The following POLR3C variants were observed in gnomAD, a reference collection of about 807,000 sequenced individuals.
The protein encoded by POLR3C is DNA-directed RNA polymerase III subunit RPC3.
POLR3C carries 44 observed loss-of-function variants against 65.9 expected under a neutral mutation model. That is an observed-to-expected ratio of 0.67 (90% CI 0.52 to 0.86). POLR3C has a LOEUF of 0.86. Ranked by LOEUF, POLR3C falls within the 40% of genes least tolerant of loss-of-function variation. The pLI, the probability that POLR3C is intolerant of heterozygous loss-of-function variation, is 0.00. For missense variants in POLR3C, 576 were observed against 653.2 expected, an observed-to-expected ratio of 0.88 and a Z score of 1.29; for synonymous variants, 263 against 231.6, an observed-to-expected ratio of 1.14 and a Z score of -1.23.
intron 5 of POLR3C, 118 bp downstream of exon 5, chr1:145,828,955 C>T (rs781838501): frequency 1.5e-4 from 95 of 653,122 alleles, no homozygotes; most frequent in Non-Finnish European, 2.5e-4. Context: ...GGATTATGAA[C>T]CTCATTAAAT....
rs1421687751 is a variant in POLR3C, at chr1:145,844,034, G to GA, written c.*1619dup. Among the ~76,000 whole-genome samples, 1 of 152,168 alleles carries GA rather than the reference G, an allele frequency of 6.6e-6. No individual in the cohort carries two copies. Among genetic ancestry groups the GA allele is most frequent in the Non-Finnish European group, 1.5e-5 (1 of 68,038 alleles). On this transcript the variant is annotated 3_prime_UTR_variant, in exon 15 of 15. Transcript: ENST00000334163. ...AAGAATGAATGCTAGTGAGGATGTG[G>GA]AAAAAGGAGAGCCCTGCCTGGTACA...
chr1:145,831,628 A>G (rs1481844454), intron 5 of POLR3C, among the ~76,000 whole-genome samples: 13 of 152,172 alleles, frequency 8.5e-5, no homozygotes, highest in Non-Finnish European at 1.2e-4. Flanking sequence ...TGTAGAGTAA[A>G]AAGAAAGGAA....
At chr1:145,840,463 C>G in intron 13 of POLR3C, 1 of 350,012 alleles carries the variant, frequency 2.9e-6, no homozygotes, top group Non-Finnish European at 5.4e-6. Flanking sequence ...TCACTTAAAC[C>G]CAGTGAGTGG....
In POLR3C at chr1:145,827,004, A is replaced by G. The variant is rs587603468; in HGVS notation, c.588A>G (p.Ile196Met). The G allele has an allele frequency of 2.6e-5, 41 of 1,605,318 alleles. No homozygotes were observed. The South Asian group carries it at 4.2e-4, about 17-fold the overall frequency. Residue 196 changes from isoleucine (I) to methionine (M), a missense_variant and splice_region_variant, in exon 4 of 15, where the codon ATA becomes ATG. Ile to Met is a conservative substitution (Grantham distance 10). Transcript: ENST00000334163. Reference protein sequence around the residue: ...DMYLVPKLSLIGKGKRRRSSD... With the variant: ...DMYLVPKLSLMGKGKRRRSSD... ...ACCTGGTTCCTAAACTCAGCTTGATAGGTAAGGAATTTTAACCCCTGGAAC... is the reference window on the plus strand; with the variant it reads ...ACCTGGTTCCTAAACTCAGCTTGATGGGTAAGGAATTTTAACCCCTGGAAC...
rs782727041 is a variant in POLR3C, at chr1:145,826,549, G to A, written c.243G>A (p.Arg81=). The A allele has an allele frequency of 3.7e-6, 6 of 1,613,816 alleles. No homozygotes were observed. Among genetic ancestry groups the A allele is most frequent in the Non-Finnish European group, 3.4e-6 (4 of 1,179,974 alleles). ...GVVEYEAQCS[R]VLRMLRYPRY... ...TGGAGTATGAAGCCCAGTGCAGCCG[G>A]GTATTGCGAATGCTTAGATATCCCC... The change falls in exon 3 of 15, where the codon CGG becomes CGA. Residue 81 remains arginine (R), a synonymous_variant. Coordinates refer to ENST00000334163, the MANE Select transcript of POLR3C (RefSeq NM_006468.8).
chr1:145,828,693 T>G, intron 4 of POLR3C, 56 bp from the exon 5 acceptor site: 1 of 1,195,060 alleles, frequency 8.4e-7, no homozygotes, highest in East Asian at 2.3e-5. Context: ...TCATGTTTGG[T>G]CATTTCCTGT....
Position 145,834,139 on chromosome 1 carries a change from G to A in POLR3C, c.876+557G>A, listed in dbSNP as rs587745386. On this transcript the variant is annotated intron_variant, in intron 7 of 14. Coordinates refer to ENST00000334163, the MANE Select transcript of POLR3C (RefSeq NM_006468.8). ...CTGTAAACCTGTACAGCATGTTACTGTACTGAATACTGTAGGCAGTTGTAA... is the reference window on the plus strand; with the variant it reads ...CTGTAAACCTGTACAGCATGTTACTATACTGAATACTGTAGGCAGTTGTAA... Among the ~76,000 whole-genome samples, 39 of 152,284 alleles carry A rather than the reference G, an allele frequency of 2.6e-4. No individual in the cohort carries two copies. The South Asian group carries it at 7.9e-3, about 31-fold the overall frequency.
chr1:145,835,144 CA>C (rs56819606), intron 7 of POLR3C, among the ~76,000 whole-genome samples: 340 of 47,318 alleles, frequency 7.2e-3, no homozygotes, highest in African/African-American at 0.017. Flanking sequence ...AACCCTATTT[CA>C]AAAAAAAAAA....
At chr1:145,829,688 G>A (rs1038850402) in intron 5 of POLR3C, among the ~76,000 whole-genome samples, 2 of 152,102 alleles carry the variant, frequency 1.3e-5, no homozygotes, top group African/African-American at 4.8e-5. Flanking sequence ...CCTCTGCCCC[G>A]TCTCCATCTT....
intron 8 of POLR3C, 51 bp from the exon 9 acceptor site, chr1:145,836,764 C>A: frequency 8.3e-7 from 1 of 1,211,474 alleles, no homozygotes; most frequent in Non-Finnish European, 1.2e-6. Flanking sequence ...CCATTGGAAA[C>A]AGAATCACTG....
chr1:145,836,453 C>G (rs782532617), intron 7 of POLR3C, 41 bp from the exon 8 acceptor site: 3 of 1,142,638 alleles, frequency 2.6e-6, no homozygotes, highest in South Asian at 2.5e-5. Context: ...GTCAGGAGTT[C>G]TAAGTTCCCA....
intron 4 of POLR3C, among the ~76,000 whole-genome samples, chr1:145,827,576 C>G (rs587660854): frequency 1.9e-3 from 292 of 151,702 alleles, no homozygotes; most frequent in Non-Finnish European, 2.9e-3. Context: ...TGGCTAATAC[C>G]GGGAAACCCC....
In POLR3C at chr1:145,842,901, C is replaced by T. The variant is rs1652401937; in HGVS notation, c.*481C>T. On this transcript the variant is annotated 3_prime_UTR_variant, in exon 15 of 15. Transcript: ENST00000334163. ...AATCACAGCTCCCTACAGCCTTGAC[C>T]TCCTGAGCTCAAGCAGTCCTTCCAC... Among the ~76,000 whole-genome samples, 1 of 152,110 alleles carries T rather than the reference C, an allele frequency of 6.6e-6. No individual in the cohort carries two copies. Among genetic ancestry groups the T allele is most frequent in the African/African-American group, 2.4e-5 (1 of 41,400 alleles).
rs782111858 is a variant in POLR3C, at chr1:145,833,369, TAC to T, written c.783+6_783+7del. The T allele has an allele frequency of 6.3e-7, 1 of 1,590,562 alleles. No homozygotes were observed. Among genetic ancestry groups the T allele is most frequent in the African/African-American group, 1.3e-5 (1 of 74,614 alleles). On this transcript the variant is annotated splice_donor_region_variant and intron_variant, in intron 6 of 14. Transcript: ENST00000334163. The stretch of plus-strand genomic sequence containing the variant: ...GTTGCTAACAGGATGGACCAGGTAA[TAC>T]CTAAGTGGGTCTGTCATTGGTCATC...
At chr1:145,840,634 T>C (rs1553730228) in intron 13 of POLR3C, among the ~76,000 whole-genome samples, 1 of 152,178 alleles carries the variant, frequency 6.6e-6, no homozygotes, top group African/African-American at 2.4e-5. Context: ...GTGTAAATCA[T>C]GCATTAGTCT....
chr1:145,827,316 G>A (rs928718959), intron 4 of POLR3C, among the ~76,000 whole-genome samples: 18 of 152,154 alleles, frequency 1.2e-4, no homozygotes, highest in Admixed American at 2.0e-4. Context: ...TAATTAAACT[G>A]TAATAAGTGC....
rs1286176487 is a variant in POLR3C at position 145,839,954 on chromosome 1, T to G, written c.1286T>G (p.Leu429Arg). ...RTFYLYTVNI[L>R]SAARMLLHRC... The stretch of plus-strand genomic sequence containing the variant: ...TTCTATTTATATACTGTGAACATCC[T>G]GTCAGCTGCCCGAATGTTGTTGCAC... Residue 429 changes from leucine to arginine, a missense_variant, in exon 12 of 15, where the codon CTG becomes CGG. Coordinates refer to ENST00000334163, the MANE Select transcript of POLR3C (RefSeq NM_006468.8). 2.5e-6 allele frequency: 4 copies of G among 1,611,968 alleles called. No homozygotes were observed. The highest frequency in any genetic ancestry group is 3.3e-5 in the Admixed American group (2 of 59,986).
Position 145,844,188 on chromosome 1 carries a change from A to G in POLR3C, c.*1768A>G, listed in dbSNP as rs587639123. Among the ~76,000 whole-genome samples the G allele has an allele frequency of 3.3e-5, 5 of 152,328 alleles. No homozygotes were observed. The highest frequency in any genetic ancestry group is 1.2e-4 in the African/African-American group (5 of 41,566). Reference sequence around the variant, plus strand: ...ATATATCTCCAAAAGGAAAGAAATCAATGTATCAAAAAGATACCTGCACTC... The same window carrying G: ...ATATATCTCCAAAAGGAAAGAAATCGATGTATCAAAAAGATACCTGCACTC... On this transcript the variant is annotated 3_prime_UTR_variant, in exon 15 of 15. Transcript: ENST00000334163.
At chr1:145,827,758 C>CAAA (rs1163679762) in intron 4 of POLR3C, among the ~76,000 whole-genome samples, 2 of 58,536 alleles carry the variant, frequency 3.4e-5, no homozygotes, top group Non-Finnish European at 6.6e-5. Context: ...GACTCCGTCT[C>CAAA]AAAAAAAAAA....
Sources: allele counts gnomAD v4.1 joint callset (sites outside exome capture counted in the v4.1 genomes callset), GRCh38; gene constraint gnomAD v4.1.1; transcripts MANE v1.5; gene names NCBI Gene and HGNC (gene_info 2026-07-23, HGNC 2026-07-21).